Variants in DRC11L observed in about 807,000 individuals in gnomAD.
DRC11L encodes the protein dynein regulatory complex subunit like-11.
chr7:151,192,506 G>A, the DRC11L span: 9 of 398,670 alleles, frequency 2.3e-5, no homozygotes, highest in South Asian at 2.6e-4. Context: ...GTGGCCCAGC[G>A]TATGGGGCTC....
chr7:151,196,088 C>T, the DRC11L span: 1 of 248,234 alleles, frequency 4.0e-6, no homozygotes. Context: ...ACTCCTGAAG[C>T]CCACGGCATG....
chr7:151,204,938 G>A, the DRC11L span: 2 of 398,578 alleles, frequency 5.0e-6, no homozygotes, highest in Non-Finnish European at 8.8e-6. Flanking sequence ...GTACCAGAAG[G>A]TGTGATGTCA....
the DRC11L span, chr7:151,203,157 G>T: frequency 2.5e-6 from 1 of 398,914 alleles, no homozygotes; most frequent in South Asian, 1.3e-4. Context: ...TCCAGGGTGG[G>T]CCGCTGGGAG....
chr7:151,199,597 C>G, the DRC11L span, among the ~76,000 whole-genome samples: 1 of 152,186 alleles, frequency 6.6e-6, no homozygotes, highest in African/African-American at 2.4e-5. This position sits in a 1 kb window ranked among gnomAD's most constrained non-coding sequence, Gnocchi z 5.2. Flanking sequence ...TCCCACACAG[C>G]AGCCCCTGGC....
At chr7:151,204,613 C>T in the DRC11L span, 1 of 399,088 alleles carries the variant, frequency 2.5e-6, no homozygotes, top group Admixed American at 4.4e-5. Context: ...CCCGCCACGC[C>T]GTCCAGCAGG....
the DRC11L span, chr7:151,200,459 C>A: frequency 2.5e-6 from 1 of 399,280 alleles, no homozygotes; most frequent in Non-Finnish European, 4.4e-6. Context: ...CCACACCTGG[C>A]GGAGGGATGT....
chr7:151,198,974 C>A, the DRC11L span: 1 of 399,078 alleles, frequency 2.5e-6, no homozygotes, highest in African/African-American at 2.1e-5. Context: ...AGATGATGCT[C>A]AGGTGCTCTA....
the DRC11L span, chr7:151,192,717 C>T: frequency 1.3e-5 from 5 of 399,240 alleles, no homozygotes; most frequent in African/African-American, 2.1e-5. Flanking sequence ...CCTGCCCACA[C>T]GGCCTTCACA....
chr7:151,199,152 C>T, the DRC11L span: 17 of 397,512 alleles, frequency 4.3e-5, no homozygotes, highest in African/African-American at 1.8e-4. The surrounding 1 kb of genome is among the most constrained non-coding windows in gnomAD (Gnocchi z 5.2). Context: ...CACACCCACA[C>T]GGAACAACGG....
chr7:151,194,176 G>A, the DRC11L span: 1 of 396,448 alleles, frequency 2.5e-6, no homozygotes, highest in Non-Finnish European at 4.4e-6. Flanking sequence ...GTCCACCTCA[G>A]CCACCCTACC....
chr7:151,199,339 C>T, the DRC11L span, among the ~76,000 whole-genome samples: 1 of 151,970 alleles, frequency 6.6e-6, no homozygotes, highest in African/African-American at 2.4e-5. This position sits in a 1 kb window ranked among gnomAD's most constrained non-coding sequence, Gnocchi z 5.2. Context: ...GCCGAGTTGG[C>T]AGCCGCTCTC....
the DRC11L span, chr7:151,194,261 C>T: frequency 1.2e-4 from 46 of 399,126 alleles, no homozygotes; most frequent in Non-Finnish European, 1.5e-4. Context: ...CTCACCAAGC[C>T]GAAGGACCGC....
the DRC11L span, chr7:151,204,544 G>C: frequency 7.5e-6 from 3 of 398,794 alleles, no homozygotes; most frequent in African/African-American, 4.1e-5. Flanking sequence ...ACGCGGTCCA[G>C]GCAGTGGTTC....
the DRC11L span, among the ~76,000 whole-genome samples, chr7:151,199,242 C>T: frequency 3.9e-5 from 6 of 152,206 alleles, no homozygotes; most frequent in African/African-American, 1.4e-4. This position sits in a 1 kb window ranked among gnomAD's most constrained non-coding sequence, Gnocchi z 5.2. Context: ...CTGCTAGATG[C>T]ATCCAGGCTG....
the DRC11L span, among the ~76,000 whole-genome samples, chr7:151,200,196 G>C: frequency 6.6e-6 from 1 of 152,208 alleles, no homozygotes; most frequent in Non-Finnish European, 1.5e-5. Flanking sequence ...CAAGAAAAAG[G>C]GTGTGAAGGG....
the DRC11L span, among the ~76,000 whole-genome samples, chr7:151,193,656 G>A: frequency 4.6e-5 from 7 of 152,184 alleles, no homozygotes; most frequent in African/African-American, 7.2e-5. Context: ...AGTCCACTAG[G>A]TCTGGGAGCC....
At chr7:151,194,685 G>C in the DRC11L span, 7 of 397,956 alleles carry the variant, frequency 1.8e-5, no homozygotes, top group African/African-American at 6.2e-5. Context: ...AGAGATGGGG[G>C]CTGTTGTCAT....
the DRC11L span, among the ~76,000 whole-genome samples, chr7:151,202,061 G>GCT: frequency 6.6e-6 from 1 of 152,210 alleles, no homozygotes; most frequent in Non-Finnish European, 1.5e-5. Flanking sequence ...TGGTAAGAAT[G>GCT]CTCGGGGAAC....
chr7:151,202,372 T>G, the DRC11L span, among the ~76,000 whole-genome samples: 2 of 152,352 alleles, frequency 1.3e-5, no homozygotes, highest in East Asian at 3.9e-4. Flanking sequence ...TAAGAGTTTC[T>G]GGAGTGATCA....
Sources: allele counts gnomAD v4.1 joint callset (sites outside exome capture counted in the v4.1 genomes callset), GRCh38; gene constraint gnomAD v4.1.1; non-coding constraint Gnocchi (gnomAD v3.1); transcripts MANE v1.5; gene names NCBI Gene and HGNC (gene_info 2026-07-23, HGNC 2026-07-21).